Variants in CSMD2 observed in about 807,000 individuals in gnomAD.
CSMD2 encodes the protein CUB and sushi domain-containing protein 2.
In CSMD2, 130 loss-of-function variants were observed where a neutral mutation model predicts 398.5. That is an observed-to-expected ratio of 0.33 (90% confidence interval 0.28 to 0.38). The LOEUF (loss-of-function observed/expected upper bound fraction) is 0.38, where lower values mean the gene tolerates loss of function less well. Among genes scored for constraint, CSMD2 ranks in the 10% least tolerant of loss-of-function variants. The probability of loss-of-function intolerance (pLI) is 1.00; values close to 1 mark genes in which losing one functional copy is unlikely to be tolerated. For synonymous variants in CSMD2, 1,828 were observed against 1,908.5 expected (o/e 0.96, Z 1.10); for missense variants, 3,829 against 4,764.9 (o/e 0.80, Z 5.78).
intron 27 of CSMD2, among the ~76,000 whole-genome samples, chr1:33,656,090 T>A (rs567560356): frequency 0.012 from 215 of 18,492 alleles, 1 homozygote; most frequent in Non-Finnish European, 0.016. Context: ...AATTCTGGCT[T>A]AGGGAAGGGG....
chr1:34,151,013 C>T (rs1640265564), intron 1 of CSMD2, among the ~76,000 whole-genome samples: 2 of 152,168 alleles, frequency 1.3e-5, no homozygotes, highest in African/African-American at 2.4e-5. Context: ...CTTGACATCT[C>T]CCAAGCACAG....
intron 2 of CSMD2, among the ~76,000 whole-genome samples, chr1:34,080,075 C>A (rs1329508069): frequency 3.8e-5 from 5 of 130,956 alleles, no homozygotes; most frequent in Non-Finnish European, 8.0e-5. Context: ...CCAATCAATG[C>A]ATATCTGAAA....
chr1:34,033,789 AT>A (rs556435132), intron 2 of CSMD2, among the ~76,000 whole-genome samples: 32 of 152,298 alleles, frequency 2.1e-4, no homozygotes, highest in Admixed American at 1.4e-3. Flanking sequence ...GATGCCCAGG[AT>A]ATCCACTGAA....
intron 29 of CSMD2, among the ~76,000 whole-genome samples, chr1:33,642,114 A>G (rs1643141838): frequency 1.3e-5 from 2 of 152,106 alleles, no homozygotes; most frequent in Admixed American, 1.3e-4. Context: ...TGGGAGGCCA[A>G]GGTGGGTGGA....
chr1:34,050,110 G>C (rs1236791672), intron 2 of CSMD2, among the ~76,000 whole-genome samples: 1 of 152,178 alleles, frequency 6.6e-6, no homozygotes, highest in Non-Finnish European at 1.5e-5. Context: ...TACTGTTTAA[G>C]CCACCCAGTC....
At chr1:33,797,381 G>A (rs189141809) in intron 10 of CSMD2, among the ~76,000 whole-genome samples, 14 of 152,276 alleles carry the variant, frequency 9.2e-5, no homozygotes, top group East Asian at 1.9e-4. Context: ...AGAAAGAATC[G>A]ATGTCTAAAT....
chr1:33,540,900 C>T (rs1365189078), intron 59 of CSMD2, among the ~76,000 whole-genome samples: 1 of 152,148 alleles, frequency 6.6e-6, no homozygotes, highest in African/African-American at 2.4e-5. Flanking sequence ...CAACCCAGTC[C>T]TCTGTTTGCG....
chr1:33,539,194 C>T (rs1348015496), intron 60 of CSMD2, among the ~76,000 whole-genome samples: 1 of 152,166 alleles, frequency 6.6e-6, no homozygotes, highest in Non-Finnish European at 1.5e-5. Context: ...TCTCAATCTC[C>T]TGACCTCGTG....
chr1:33,573,753 A>AT (rs1659816491), intron 49 of CSMD2, among the ~76,000 whole-genome samples: 1 of 152,226 alleles, frequency 6.6e-6, no homozygotes, highest in South Asian at 2.1e-4. Flanking sequence ...TGGAATTATC[A>AT]TAGATGAAAA....
Position 33,557,900 on chromosome 1 carries a change from T to C in CSMD2, c.8577A>G (p.Gly2859=). 6.5e-7 allele frequency: 1 copy of C among 1,536,102 alleles called. No homozygotes were observed. The change falls in exon 55 of 71, where the codon GGA becomes GGG. Residue 2859 remains glycine (G), a synonymous_variant. Transcript: ENST00000373381. ...TCRIINCTDP[G]HQENSVRQVH... is the part of the protein sequence containing the mutation. Reference sequence around the variant, plus strand: ...CCTGACGAACACTATTTTCTTGGTGTCCAGGATCTGTACAGTTGATGACTG... The same window carrying C: ...CCTGACGAACACTATTTTCTTGGTGCCCAGGATCTGTACAGTTGATGACTG...
rs866663446 is a variant in CSMD2, at chr1:33,600,088, A to G, written c.6856+777T>C. The G allele has an allele frequency of 4.4e-5, 30 of 682,628 alleles. No homozygotes were observed. The Middle Eastern group carries it at 1.2e-3, about 27-fold the overall frequency. The allele number at this position is 682,628 out of a possible 1,614,324, so 42.3% of individuals were successfully genotyped here. A position where few individuals can be genotyped will look rare whatever the true frequency, so the allele number is the denominator to read the frequency against. ...CCTTACTACCTCACAGAATTCTTACAGGTCACAAACTCCAAGCCGGTAATT... is the reference window on the plus strand; with the variant it reads ...CCTTACTACCTCACAGAATTCTTACGGGTCACAAACTCCAAGCCGGTAATT... On this transcript the variant is annotated intron_variant, in intron 44 of 70. Coordinates refer to ENST00000373381, the MANE Select transcript of CSMD2 (RefSeq NM_001281956.2).
At chr1:33,870,704 T>C (rs1055079307) in intron 5 of CSMD2, 1 of 152,230 alleles carries the variant, frequency 6.6e-6, no homozygotes, top group Non-Finnish European at 1.5e-5. Context: ...GTAGGCAGTT[T>C]CTGAAATGGC....
intron 39 of CSMD2, among the ~76,000 whole-genome samples, chr1:33,616,666 T>A (rs1641410673): frequency 6.6e-6 from 1 of 152,228 alleles, no homozygotes; most frequent in Non-Finnish European, 1.5e-5. Context: ...ATCATCATGT[T>A]TTCAAATGGG....
At position 33,943,925 on chromosome 1, in the gene CSMD2, T is replaced by TACACACAC. The variant is rs57400434; in HGVS notation, c.518-7979_518-7972dup. ...ATATATATTATATATTAATCAGAAT[T>TACACACAC]ACACACACACACACACACACACACA... On this transcript the variant is annotated intron_variant, in intron 3 of 70. Transcript: ENST00000373381. Among the ~76,000 whole-genome samples, 961 of 144,368 alleles carry TACACACAC rather than the reference T, an allele frequency of 6.7e-3. 11 individuals are homozygous for TACACACAC. The highest frequency in any genetic ancestry group is 0.022 in the African/African-American group (863 of 39,274). The allele number at this position is 144,368 out of a possible 152,430, so 94.7% of individuals were successfully genotyped here. A position where few individuals can be genotyped will look rare whatever the true frequency, so the allele number is the denominator to read the frequency against.
chr1:33,903,208 G>A (rs1255161067), intron 5 of CSMD2, among the ~76,000 whole-genome samples: 2 of 152,200 alleles, frequency 1.3e-5, no homozygotes, highest in East Asian at 3.9e-4. Context: ...TCTCTCTGAG[G>A]TTGCAAGTTT....
At chr1:33,672,495 T>C (rs1485459732) in intron 25 of CSMD2, among the ~76,000 whole-genome samples, 1 of 152,078 alleles carries the variant, frequency 6.6e-6, no homozygotes, top group African/African-American at 2.4e-5. Flanking sequence ...CCACCACAGC[T>C]CAAGGAGCCC....
At chr1:33,784,272 A>G (rs1213323713) in intron 12 of CSMD2, among the ~76,000 whole-genome samples, 1 of 152,156 alleles carries the variant, frequency 6.6e-6, no homozygotes, top group African/African-American at 2.4e-5. Context: ...GAGGTAAAAG[A>G]AAACCAGGAG....
chr1:33,899,727 A>G (rs1487878844), intron 5 of CSMD2, among the ~76,000 whole-genome samples: 3 of 152,158 alleles, frequency 2.0e-5, no homozygotes, highest in Non-Finnish European at 4.4e-5. Flanking sequence ...GGTGGTGAGG[A>G]CCCATCACCT....
chr1:33,577,088 T>C (rs1278241158), intron 49 of CSMD2, among the ~76,000 whole-genome samples: 3 of 152,224 alleles, frequency 2.0e-5, no homozygotes, highest in African/African-American at 7.2e-5. Context: ...TCTGCCACTT[T>C]GCATTGATGT....
Sources: allele counts gnomAD v4.1 joint callset (sites outside exome capture counted in the v4.1 genomes callset), GRCh38; gene constraint gnomAD v4.1.1; transcripts MANE v1.5; gene names NCBI Gene and HGNC (gene_info 2026-07-23, HGNC 2026-07-21).